MAP1LC3A: variants seen among roughly 807,000 people sequenced by gnomAD.
MAP1LC3A encodes the protein microtubule associated protein 1 light chain 3 alpha.
In MAP1LC3A, 10 loss-of-function variants were observed where a neutral mutation model predicts 15.2. The observed-to-expected ratio is 0.66, with a 90% confidence interval of 0.41 to 1.12. The LOEUF (loss-of-function observed/expected upper bound fraction) is 1.12. Among genes scored for constraint, MAP1LC3A ranks in the 50% most tolerant of loss-of-function variants. The probability of loss-of-function intolerance (pLI) is 0.00; values close to 1 mark genes in which losing one functional copy is unlikely to be tolerated. For synonymous variants in MAP1LC3A, 63 were observed against 64.3 expected, an observed-to-expected ratio of 0.98 and a Z score of 0.10; for missense variants, 138 against 167.3, an observed-to-expected ratio of 0.82 and a Z score of 0.97.
At chr20:34,554,354 GTTTTTTTTTTTTTTTT>G (rs537779341), upstream of MAP1LC3A, among the ~76,000 whole-genome samples, 451 of 106,134 alleles carry the variant, frequency 4.2e-3, 7 homozygotes, top group South Asian at 7.1e-3. Flanking sequence ...TATACGTTGG[GTTTTTTTTTTTTTTTT>G]TTTTTTTTTT....
Position 34,558,990 on chromosome 20 carries a change from G to C in MAP1LC3A, c.40+82G>C. 1 of 1,340,400 alleles carries C rather than the reference G, an allele frequency of 7.5e-7. No homozygotes were observed. Among genetic ancestry groups the C allele is most frequent in the Non-Finnish European group, 9.5e-7 (1 of 1,050,508 alleles). 83.0% of individuals were successfully genotyped at this position (1,340,400 alleles called of 1,614,324 possible). A position where few individuals can be genotyped will look rare whatever the true frequency, so the allele number is the denominator to read the frequency against. ...CTGCCGCAGGTGACGTCAGCCCCGTGACGTCAGGCTCTGGCTGGACCCTCG... is the reference window on the plus strand; with the variant it reads ...CTGCCGCAGGTGACGTCAGCCCCGTCACGTCAGGCTCTGGCTGGACCCTCG... On this transcript the variant is annotated intron_variant, in intron 1 of 3. Coordinates refer to ENST00000360668, the MANE Select transcript of MAP1LC3A (RefSeq NM_032514.4). The surrounding 1 kb of genome is among the most constrained non-coding windows in gnomAD (Gnocchi z 4.3).
chr20:34,554,904 C>T (rs1168417439), upstream of MAP1LC3A, among the ~76,000 whole-genome samples: 4 of 146,064 alleles, frequency 2.7e-5, no homozygotes, highest in Non-Finnish European at 4.5e-5. Flanking sequence ...GATGGGGTTT[C>T]ACCATATTGC....
chr20:34,550,090 C>T (rs1246482465), intron 2 of MAP1LC3A: 1 of 1,541,784 alleles, frequency 6.5e-7, no homozygotes. Flanking sequence ...TGTCCACACT[C>T]GCGGTCATCA....
upstream of MAP1LC3A, among the ~76,000 whole-genome samples, chr20:34,555,988 G>A (rs776978274): frequency 5.3e-5 from 8 of 151,716 alleles, no homozygotes; most frequent in Non-Finnish European, 1.2e-4. Context: ...AACTACAGGC[G>A]CCCGCCACCA....
In MAP1LC3A at chr20:34,559,871, C is replaced by T. The variant is rs895390167; in HGVS notation, c.339C>T (p.Tyr113=). 16 of 1,611,492 alleles carry T rather than the reference C, an allele frequency of 9.9e-6. No individual in the cohort carries two copies. In the African/African-American group the frequency reaches 1.1e-4, roughly 11 times the overall value. ...KDEDGFLYMV[Y]ASQETFGF ...AGGACGGCTTCCTCTATATGGTCTACGCCTCCCAGGAAACCTTCGGCTTCT... is the reference window on the plus strand; with the variant it reads ...AGGACGGCTTCCTCTATATGGTCTATGCCTCCCAGGAAACCTTCGGCTTCT... Residue 113 remains tyrosine (Y), a synonymous_variant, in exon 4 of 4, where the codon TAC becomes TAT. Coordinates refer to ENST00000360668, the MANE Select transcript of MAP1LC3A (RefSeq NM_032514.4).
At chr20:34,555,987 C>T (rs994544995), upstream of MAP1LC3A, among the ~76,000 whole-genome samples, 5 of 151,968 alleles carry the variant, frequency 3.3e-5, no homozygotes, top group African/African-American at 2.4e-5. Flanking sequence ...GAACTACAGG[C>T]GCCCGCCACC....
Position 34,560,169 on chromosome 20 carries a change from T to G in MAP1LC3A, c.*271T>G. On this transcript the variant is annotated 3_prime_UTR_variant, in exon 4 of 4. Transcript: ENST00000360668. ...CCTGCTGTGTGGTTCATCTTTTTTTTAGGCCCCTGCCTGTCTGCCCATCTG... is the reference window on the plus strand; with the variant it reads ...CCTGCTGTGTGGTTCATCTTTTTTTGAGGCCCCTGCCTGTCTGCCCATCTG... 3.1e-6 allele frequency: 1 copy of G among 325,534 alleles called. No homozygotes were observed. The allele number at this position is 325,534 out of a possible 1,614,324, so 20.2% of individuals were successfully genotyped here. A position where few individuals can be genotyped will look rare whatever the true frequency, so the allele number is the denominator to read the frequency against.
Position 34,559,192 on chromosome 20 carries a change from T to C in MAP1LC3A, c.41-16T>C. ...GCCGGCCCGACCCGGCCTCACGGTC[T>C]GGCCGCTGTCCGCAGCCGACCGCTG... On this transcript the variant is annotated splice_polypyrimidine_tract_variant and intron_variant, in intron 1 of 3. Coordinates refer to ENST00000360668, the MANE Select transcript of MAP1LC3A (RefSeq NM_032514.4). 6.3e-7 allele frequency: 1 copy of C among 1,576,500 alleles called. No homozygotes were observed. Among genetic ancestry groups the C allele is most frequent in the Non-Finnish European group, 8.6e-7 (1 of 1,163,650 alleles).
At chr20:34,553,534 T>A (rs1982027231) in intron 2 of MAP1LC3A, among the ~76,000 whole-genome samples, 1 of 152,162 alleles carries the variant, frequency 6.6e-6, no homozygotes, top group Non-Finnish European at 1.5e-5. Context: ...CTGACCCAGT[T>A]CTTTGGCTGC....
chr20:34,547,417 CTTTTTTTT>C (rs935450076), intron 1 of MAP1LC3A, among the ~76,000 whole-genome samples: 3 of 121,088 alleles, frequency 2.5e-5, no homozygotes, highest in East Asian at 2.3e-4. Context: ...CGCTCCCCAC[CTTTTTTTT>C]TTTTTTTTTT....
At position 34,559,748 on chromosome 20, in the gene MAP1LC3A, G is replaced by T. The variant is rs747652694; in HGVS notation, c.216G>T (p.Gln72His). 6.2e-7 allele frequency: 1 copy of T among 1,606,936 alleles called. No homozygotes were observed. Among genetic ancestry groups the T allele is most frequent in the Non-Finnish European group, 8.5e-7 (1 of 1,178,080 alleles). Residue 72 changes from glutamine (Q) to histidine (H), a missense_variant, in exon 4 of 4, where the codon CAG (glutamine) becomes CAT (histidine). Physicochemically the swap from Gln to His is conservative, Grantham distance 24. Coordinates refer to ENST00000360668, the MANE Select transcript of MAP1LC3A (RefSeq NM_032514.4). The part of the protein sequence containing the change: ...ELVKIIRRRL[Q>H]LNPTQAFFLL... The stretch of plus-strand genomic sequence containing the variant: ...CCGCCGGCTGCAGGCGCCGCCTGCA[G>T]CTGAACCCCACGCAGGCCTTCTTCC...
At chr20:34,556,434 G>A (rs1412837249), upstream of MAP1LC3A, among the ~76,000 whole-genome samples, 3 of 151,586 alleles carry the variant, frequency 2.0e-5, no homozygotes, top group African/African-American at 7.3e-5. Flanking sequence ...TAACTGTCAG[G>A]TTTTCTATTG....
rs373545747 is a variant in MAP1LC3A at position 34,559,844 on chromosome 20, C to G, written c.312C>G (p.Asp104Glu). 1.2e-6 allele frequency: 2 copies of G among 1,613,992 alleles called. No homozygotes were observed. The highest frequency in any genetic ancestry group is 2.2e-5 in the East Asian group (1 of 44,862). The change falls in exon 4 of 4, where the codon GAC (aspartate) becomes GAG (glutamate). Residue 104 changes from aspartate to glutamate, a missense_variant. Asp to Glu is a conservative substitution (Grantham distance 45). Coordinates refer to ENST00000360668, the MANE Select transcript of MAP1LC3A (RefSeq NM_032514.4). ...PIADIYEQEKDEDGFLYMVYA... is the reference protein window; with the variant it reads ...PIADIYEQEKEEDGFLYMVYA... ...CGGACATCTACGAGCAGGAGAAAGA[C>G]GAGGACGGCTTCCTCTATATGGTCT...
Position 34,559,995 on chromosome 20 carries a change from G to C in MAP1LC3A, c.*97G>C. On this transcript the variant is annotated 3_prime_UTR_variant, in exon 4 of 4. Transcript: ENST00000360668. Reference sequence around the variant, plus strand: ...CCTGAACTGAGCTGCCTCTACCGTGGTGGGCTGGGCAGGCATGTGCCCCCC... The same window carrying C: ...CCTGAACTGAGCTGCCTCTACCGTGCTGGGCTGGGCAGGCATGTGCCCCCC... 4 of 1,366,952 alleles carry C rather than the reference G, an allele frequency of 2.9e-6. No individual in the cohort carries two copies. The highest frequency in any genetic ancestry group is 4.0e-6 in the Non-Finnish European group (4 of 1,010,316). The allele number at this position is 1,366,952 out of a possible 1,614,324, so 84.7% of individuals were successfully genotyped here. A position where few individuals can be genotyped will look rare whatever the true frequency, so the allele number is the denominator to read the frequency against.
chr20:34,559,415 G>A lies in MAP1LC3A; in HGVS notation c.165G>A (p.Pro55=), dbSNP rs1568614009. 6.2e-7 allele frequency: 1 copy of A among 1,602,608 alleles called. No homozygotes were observed. The highest frequency in any genetic ancestry group is 1.1e-5 in the South Asian group (1 of 90,550). The change falls in exon 3 of 4, where the codon CCG becomes CCA. Residue 55 remains proline, a synonymous_variant. Transcript: ENST00000360668. The part of the protein sequence containing the change: ...PVLDKTKFLV[P]DHVNMSELVK... ...TGGACAAGACCAAGTTTTTGGTCCC[G>A]GACCATGTCAACATGAGCGAGTTGG...
chr20:34,554,129 G>A (rs2146674257), upstream of MAP1LC3A, among the ~76,000 whole-genome samples: 1 of 152,226 alleles, frequency 6.6e-6, no homozygotes, highest in East Asian at 1.9e-4. Context: ...CCTATCAGGT[G>A]TCCTCAGCCT....
At chr20:34,549,889 G>A in intron 1 of MAP1LC3A, 1 of 1,109,516 alleles carries the variant, frequency 9.0e-7, no homozygotes, top group Non-Finnish European at 1.4e-6. Flanking sequence ...CTGATTGCAG[G>A]CCCTGTTTCC....
upstream of MAP1LC3A, among the ~76,000 whole-genome samples, chr20:34,555,924 G>A (rs890270438): frequency 1.1e-4 from 17 of 151,068 alleles, 1 homozygote; most frequent in African/African-American, 3.9e-4. Flanking sequence ...TTTACTGCAA[G>A]CTCCGCCTCC....
chr20:34,558,344 C>G (rs1414159830), upstream of MAP1LC3A: 4 of 986,860 alleles, frequency 4.1e-6, no homozygotes, highest in East Asian at 1.1e-4. The surrounding 1 kb of genome is among the most constrained non-coding windows in gnomAD (Gnocchi z 4.3). Flanking sequence ...CCCTAAGCCC[C>G]GTGAAGGCGC....
Sources: allele counts gnomAD v4.1 joint callset (sites outside exome capture counted in the v4.1 genomes callset), GRCh38; gene constraint gnomAD v4.1.1; non-coding constraint Gnocchi (gnomAD v3.1); transcripts MANE v1.5; gene names NCBI Gene and HGNC (gene_info 2026-07-23, HGNC 2026-07-21).